TBC1D32: variants seen among roughly 807,000 people sequenced by gnomAD.
The protein encoded by TBC1D32 is protein broad-minded.
TBC1D32 carries 151 observed loss-of-function variants against 170.3 expected under a neutral mutation model. The observed-to-expected ratio is 0.89, with a 90% CI of 0.78 to 1.01. The LOEUF is 1.01. TBC1D32 is among the 50% of genes least tolerant of loss of function. The probability of loss-of-function intolerance (pLI) is 0.00; values close to 1 mark genes in which losing one functional copy is unlikely to be tolerated. For synonymous variants in TBC1D32, 498 were observed against 488.0 expected, an observed-to-expected ratio of 1.02 and a Z score of -0.27; for missense variants, 1,464 against 1,457.1, an observed-to-expected ratio of 1.00 and a Z score of -0.08.
chr6:121,209,812 C>T (rs1158527159), intron 21 of TBC1D32, among the ~76,000 whole-genome samples: 1 of 152,168 alleles, frequency 6.6e-6, no homozygotes, highest in Non-Finnish European at 1.5e-5. Context: ...CATAGGAGGA[C>T]AGAAACAGAG....
At chr6:121,268,316 G>A (rs1800839470) in intron 15 of TBC1D32, among the ~76,000 whole-genome samples, 1 of 152,118 alleles carries the variant, frequency 6.6e-6, no homozygotes, top group Non-Finnish European at 1.5e-5. Context: ...ACTGCTCCAA[G>A]CTAAAGGAGG....
intron 22 of TBC1D32, among the ~76,000 whole-genome samples, chr6:121,202,996 A>C (rs1219044225): frequency 6.6e-6 from 1 of 151,456 alleles, no homozygotes; most frequent in Non-Finnish European, 1.5e-5. Flanking sequence ...AAATGGAACA[A>C]GCAATGAAAA....
chr6:121,277,551 T>C (rs1802400695), intron 15 of TBC1D32, among the ~76,000 whole-genome samples: 1 of 148,268 alleles, frequency 6.7e-6, no homozygotes. Context: ...ATAAAAATAT[T>C]TTGAACTAAA....
At chr6:121,248,893 C>T (rs1335905748) in intron 17 of TBC1D32, among the ~76,000 whole-genome samples, 1 of 151,794 alleles carries the variant, frequency 6.6e-6, no homozygotes, top group Non-Finnish European at 1.5e-5. Flanking sequence ...GAAACAGTAC[C>T]AATCCTACTG....
intron 15 of TBC1D32, among the ~76,000 whole-genome samples, chr6:121,265,841 T>A (rs1786993836): frequency 6.6e-6 from 1 of 152,116 alleles, no homozygotes; most frequent in Non-Finnish European, 1.5e-5. Context: ...CCCTATCTAA[T>A]AAATGGTGGT....
At chr6:121,317,205 A>T (rs921277570) in intron 3 of TBC1D32, among the ~76,000 whole-genome samples, 9 of 152,070 alleles carry the variant, frequency 5.9e-5, no homozygotes, top group Non-Finnish European at 1.2e-4. Context: ...AAGATGTTTT[A>T]ATTAGAGCTT....
chr6:121,129,494 G>A (rs1289973), intron 25 of TBC1D32, among the ~76,000 whole-genome samples: 150,608 of 152,320 alleles, frequency 0.99, 74,487 homozygotes, highest in East Asian at 1. Flanking sequence ...AATGTCCAAT[G>A]AAATAGTATA....
At chr6:121,113,213 G>C (rs769378637) in intron 27 of TBC1D32, 36 bp from the exon 28 acceptor site, 1 of 1,376,770 alleles carries the variant, frequency 7.3e-7, no homozygotes, top group Non-Finnish European at 1.0e-6. Flanking sequence ...AAACATATCA[G>C]GTCTTGCATT....
intron 1 of TBC1D32, among the ~76,000 whole-genome samples, chr6:121,329,195 A>G (rs1810872182): frequency 6.6e-6 from 1 of 151,682 alleles, no homozygotes; most frequent in African/African-American, 2.4e-5. Flanking sequence ...TTTCTTACCT[A>G]TATTTCCCAA....
intron 30 of TBC1D32, among the ~76,000 whole-genome samples, chr6:121,094,729 T>C (rs1777196890): frequency 6.6e-6 from 1 of 152,158 alleles, no homozygotes; most frequent in African/African-American, 2.4e-5. Flanking sequence ...CTACTAAAGA[T>C]GTTTCCTCCA....
chr6:121,131,243 C>G (rs764198854), intron 25 of TBC1D32, among the ~76,000 whole-genome samples: 75 of 151,722 alleles, frequency 4.9e-4, no homozygotes, highest in Middle Eastern at 3.5e-3. Context: ...CCTTAGGAGT[C>G]ACTAAATTTA....
chr6:121,283,895 A>G lies in TBC1D32; in HGVS notation c.1388T>C (p.Ile463Thr). ...LKNKKGLVSL[I>T]DLLVLFTQLI... ...TTGGGTAAAAAGAACAAGCAGATCT[A>G]TGAGGGATACCAAACCTTTAAAAAG... is the stretch of plus-strand genomic sequence containing the variant. Residue 463 changes from isoleucine to threonine, a missense_variant, in exon 13 of 32, where the codon ATA becomes ACA. Ile to Thr is a moderately conservative substitution (Grantham distance 89). This residue lies in a region of TBC1D32 where 1,363 missense variants were observed against 1,338.1 expected (regional missense o/e 1.02). Coordinates refer to ENST00000398212, the MANE Select transcript of TBC1D32 (RefSeq NM_152730.6). 6.2e-7 allele frequency: 1 copy of G among 1,607,764 alleles called. No homozygotes were observed. Among genetic ancestry groups the G allele is most frequent in the Non-Finnish European group, 8.5e-7 (1 of 1,175,890 alleles).
Position 121,303,769 on chromosome 6 carries a change from T to C in TBC1D32, c.936-8A>G. The C allele has an allele frequency of 6.6e-7, 1 of 1,507,104 alleles. No homozygotes were observed. Among genetic ancestry groups the C allele is most frequent in the Non-Finnish European group, 9.0e-7 (1 of 1,114,566 alleles). The allele number at this position is 1,507,104 out of a possible 1,614,324, so 93.4% of individuals were successfully genotyped here. A position where few individuals can be genotyped will look rare whatever the true frequency, so the allele number is the denominator to read the frequency against. On this transcript the variant is annotated splice_region_variant and splice_polypyrimidine_tract_variant and intron_variant, in intron 8 of 31. Transcript: ENST00000398212. ...ACAATTTCTTCCATATACCTTAAAG[T>C]TTGGGAAAAAAGAAATACAATTACA...
intron 2 of TBC1D32, among the ~76,000 whole-genome samples, chr6:121,319,645 A>T (rs1242278348): frequency 6.6e-6 from 1 of 152,202 alleles, no homozygotes. Context: ...ATGGTACTTA[A>T]AATCCATAGA....
chr6:121,218,975 C>T (rs1583268612), intron 21 of TBC1D32, among the ~76,000 whole-genome samples: 1 of 152,300 alleles, frequency 6.6e-6, no homozygotes, highest in East Asian at 1.9e-4. Flanking sequence ...AACTAAACCT[C>T]TTTCCTTTTA....
intron 22 of TBC1D32, among the ~76,000 whole-genome samples, chr6:121,196,446 G>A (rs551135814): frequency 7.6e-4 from 116 of 152,320 alleles, no homozygotes; most frequent in African/African-American, 2.5e-3. Flanking sequence ...TTCCATTATG[G>A]AAAGGGCAGA....
intron 26 of TBC1D32, among the ~76,000 whole-genome samples, chr6:121,117,876 T>C (rs147248811): frequency 7.0e-4 from 106 of 152,240 alleles, no homozygotes; most frequent in Middle Eastern, 3.4e-3. Context: ...AAGAAACTTT[T>C]ATTATACAAA....
At chr6:121,257,283 C>T (rs563240371) in intron 15 of TBC1D32, among the ~76,000 whole-genome samples, 3 of 151,906 alleles carry the variant, frequency 2.0e-5, no homozygotes, top group African/African-American at 7.2e-5. Flanking sequence ...AGTTGGTTGC[C>T]GCTGTCTACC....
In TBC1D32 at chr6:121,240,854, G is replaced by A. The variant is rs113750167; in HGVS notation, c.2245+611C>T. On this transcript the variant is annotated intron_variant, in intron 19 of 31. Transcript: ENST00000398212. The stretch of plus-strand genomic sequence containing the variant: ...TATGCCATTGTACTCCAGCCTGGGC[G>A]ACAAAAGTGAAATTCTGTCTCACAA... 6.6e-3 allele frequency among the ~76,000 whole-genome samples: 656 copies of A among 99,450 alleles called. 2 individuals carry two copies. The highest frequency in any genetic ancestry group is 0.019 in the Middle Eastern group (2 of 104). 65.2% of individuals were successfully genotyped at this position (99,450 alleles called of 152,430 possible). A position where few individuals can be genotyped will look rare whatever the true frequency, so the allele number is the denominator to read the frequency against.
Sources: allele counts gnomAD v4.1 joint callset (sites outside exome capture counted in the v4.1 genomes callset), GRCh38; gene constraint gnomAD v4.1.1; regional missense constraint gnomAD v4.1.1; transcripts MANE v1.5; gene names NCBI Gene and HGNC (gene_info 2026-07-23, HGNC 2026-07-21).